Variants in YME1L1 observed in about 807,000 individuals in gnomAD.
The protein encoded by YME1L1 is YME1 like 1 ATPase.
Under a neutral mutation model 90.4 loss-of-function variants are expected in YME1L1, and 39 were observed. That is an observed-to-expected ratio of 0.43 (90% confidence interval 0.33 to 0.56). The LOEUF (loss-of-function observed/expected upper bound fraction) is 0.56, where lower values mean the gene tolerates loss of function less well. Ranked by LOEUF, YME1L1 falls within the 20% of genes least tolerant of loss-of-function variation. YME1L1 has a pLI of 0.03. For synonymous variants in YME1L1, 284 were observed against 287.3 expected, an observed-to-expected ratio of 0.99 and a Z score of 0.12; for missense variants, 617 against 868.4, an observed-to-expected ratio of 0.71 and a Z score of 3.64.
chr10:27,140,796 A>G (rs1274060399), intron 4 of YME1L1, among the ~76,000 whole-genome samples: 3 of 152,070 alleles, frequency 2.0e-5, no homozygotes, highest in Non-Finnish European at 2.9e-5. Context: ...TATTTTTTTA[A>G]GCTGTCTTTT....
In YME1L1 at chr10:27,113,219, C is replaced by CAAAAAAA. The variant is rs869122796; in HGVS notation, c.2008-1106_2008-1100dup. 4.9e-4 allele frequency among the ~76,000 whole-genome samples: 21 copies of CAAAAAAA among 43,104 alleles called. 1 individual carries two copies. Among genetic ancestry groups the CAAAAAAA allele is most frequent in the Non-Finnish European group, 8.3e-4 (19 of 22,826 alleles). 28.3% of individuals were successfully genotyped at this position (43,104 alleles called of 152,430 possible). On this transcript the variant is annotated intron_variant, in intron 18 of 18. Coordinates refer to ENST00000376016, the MANE Select transcript of YME1L1 (RefSeq NM_014263.4). ...TGGGTGACAGGGCAAGATGCTGTCT[C>CAAAAAAA]AAAAAAAAAAAAAAAAAAAAAAAAA...
chr10:27,129,221 GA>G (rs2056953347), intron 8 of YME1L1: 1 of 149,488 alleles, frequency 6.7e-6, no homozygotes, highest in Non-Finnish European at 1.5e-5. Flanking sequence ...GCTCAATTTA[GA>G]AAAGGCATGC....
chr10:27,114,863 C>T (rs34383490), intron 17 of YME1L1, among the ~76,000 whole-genome samples: 12,710 of 151,994 alleles, frequency 0.084, 727 homozygotes, highest in East Asian at 0.28. Flanking sequence ...GCCATTTCTT[C>T]TAAAAACACA....
chr10:27,131,142 C>G (rs2056973622), intron 8 of YME1L1, among the ~76,000 whole-genome samples: 1 of 152,112 alleles, frequency 6.6e-6, no homozygotes, highest in South Asian at 2.1e-4. Context: ...TCAATCACAC[C>G]TTGAACACTC....
At chr10:27,147,682 G>A (rs992463055) in intron 2 of YME1L1, 3 of 1,550,922 alleles carry the variant, frequency 1.9e-6, no homozygotes, top group Non-Finnish European at 2.6e-6. Flanking sequence ...TAGGAAGAGA[G>A]GTTTTGATTC....
chr10:27,114,178 T>C lies in YME1L1; in HGVS notation c.2007+343A>G, dbSNP rs1267100414. ...AAAGTCTGGGATTTTAGTGTATCCATACCTACATAGTGTACACTGTACCTA... is the reference window on the plus strand; with the variant it reads ...AAAGTCTGGGATTTTAGTGTATCCACACCTACATAGTGTACACTGTACCTA... On this transcript the variant is annotated intron_variant, in intron 18 of 18. Coordinates refer to ENST00000376016, the MANE Select transcript of YME1L1 (RefSeq NM_014263.4). 2.6e-5 allele frequency among the ~76,000 whole-genome samples: 4 copies of C among 152,262 alleles called. No individual in the cohort carries two copies. The East Asian group carries it at 5.8e-4, about 22-fold the overall frequency.
chr10:27,134,435 C>T (rs1426686408), intron 6 of YME1L1, among the ~76,000 whole-genome samples: 4 of 152,106 alleles, frequency 2.6e-5, no homozygotes, highest in Non-Finnish European at 4.4e-5. Flanking sequence ...ATTAGCTGGG[C>T]GTGGTGGCAC....
chr10:27,143,527 G>A (rs1394972059), intron 3 of YME1L1, among the ~76,000 whole-genome samples: 1 of 151,342 alleles, frequency 6.6e-6, no homozygotes, highest in African/African-American at 2.4e-5. Flanking sequence ...GTGAAACCTC[G>A]TCTCTACTAA....
chr10:27,130,370 T>A (rs1420458870), intron 8 of YME1L1, among the ~76,000 whole-genome samples: 1 of 152,222 alleles, frequency 6.6e-6, no homozygotes, highest in Non-Finnish European at 1.5e-5. Context: ...CTGGGTGATC[T>A]CATCCAAACA....
In YME1L1 at chr10:27,110,757, T is replaced by G. The variant is rs1339907274; in HGVS notation, c.*1220A>C. ...CATTATTCAGAATGAGGTTATGTAT[T>G]TATTTAACAAAATACTGCTTCTCTG... On this transcript the variant is annotated 3_prime_UTR_variant, in exon 19 of 19. Transcript: ENST00000376016. The G allele has an allele frequency of 6.6e-6, 1 of 152,234 alleles. No homozygotes were observed. The highest frequency in any genetic ancestry group is 2.4e-5 in the African/African-American group (1 of 41,458). 9.4% of individuals were successfully genotyped at this position (152,234 alleles called of 1,614,324 possible).
intron 1 of YME1L1, among the ~76,000 whole-genome samples, chr10:27,153,617 A>G (rs565031014): frequency 1.3e-5 from 2 of 152,362 alleles, no homozygotes; most frequent in African/African-American, 4.8e-5. Flanking sequence ...CTGAATCAAA[A>G]TTTTAACTGC....
At position 27,111,496 on chromosome 10, in the gene YME1L1, A is replaced by G. The variant is rs2056758520; in HGVS notation, c.*481T>C. ...GATGTGAGCCATGGCACCATGCCAA[A>G]AGGCTATATTCCTGGCTCTGTGTTT... On this transcript the variant is annotated 3_prime_UTR_variant, in exon 19 of 19. Coordinates refer to ENST00000376016, the MANE Select transcript of YME1L1 (RefSeq NM_014263.4). 1.0e-5 allele frequency: 2 copies of G among 197,724 alleles called. No individual in the cohort carries two copies. The highest frequency in any genetic ancestry group is 1.6e-4 in the South Asian group (2 of 12,426). The allele number at this position is 197,724 out of a possible 1,614,324, so 12.2% of individuals were successfully genotyped here.
In YME1L1 at chr10:27,154,316, C is replaced by T. The variant is rs1310623040; in HGVS notation, c.-106G>A. 1.4e-6 allele frequency: 2 copies of T among 1,383,624 alleles called. No individual in the cohort carries two copies. The highest frequency in any genetic ancestry group is 2.0e-6 in the Non-Finnish European group (2 of 1,012,956). The allele number at this position is 1,383,624 out of a possible 1,614,324, so 85.7% of individuals were successfully genotyped here. A position where few individuals can be genotyped will look rare whatever the true frequency, so the allele number is the denominator to read the frequency against. On this transcript the variant is annotated 5_prime_UTR_variant, in exon 1 of 19. Transcript: ENST00000376016. ...CCTTCTTTTTTCCTTTTTCTCCGAC[C>T]CGTTGCCCCTCACTCCTCCCAGAAA...
intron 1 of YME1L1, among the ~76,000 whole-genome samples, chr10:27,149,782 AAT>A: frequency 6.6e-6 from 1 of 150,504 alleles, no homozygotes; most frequent in Non-Finnish European, 1.5e-5. Flanking sequence ...AAAAAAAAAA[AAT>A]AGTAAGTAGG....
chr10:27,135,283 CT>C (rs2057016248), intron 5 of YME1L1, among the ~76,000 whole-genome samples: 1 of 152,118 alleles, frequency 6.6e-6, no homozygotes, highest in African/African-American at 2.4e-5. Flanking sequence ...ATCCCTCTAT[CT>C]TTGCTAGAGG....
intron 1 of YME1L1, among the ~76,000 whole-genome samples, chr10:27,153,901 T>C (rs578140709): frequency 6.6e-6 from 1 of 152,232 alleles, no homozygotes; most frequent in South Asian, 2.1e-4. Flanking sequence ...ACGGATTCTC[T>C]AGCAGAAATT....
intron 4 of YME1L1, among the ~76,000 whole-genome samples, chr10:27,140,690 G>A (rs1275978968): frequency 6.6e-6 from 1 of 151,992 alleles, no homozygotes; most frequent in Non-Finnish European, 1.5e-5. Context: ...TGTTGGCCAG[G>A]CTGGTCTTGA....
At chr10:27,128,528 G>A (rs1470371168) in intron 8 of YME1L1, among the ~76,000 whole-genome samples, 2 of 151,924 alleles carry the variant, frequency 1.3e-5, no homozygotes, top group African/African-American at 2.4e-5. Flanking sequence ...CTGAGCTCAG[G>A]AGTTTGAGAC....
At chr10:27,142,260 TTC>T (rs1464361345) in intron 4 of YME1L1, 125 bp downstream of exon 4, 11 of 543,304 alleles carry the variant, frequency 2.0e-5, no homozygotes, top group Non-Finnish European at 3.0e-5. Context: ...AACTCATTAA[TTC>T]CAAATACTCT....
Sources: gnomAD v4.1 joint callset for allele counts (sites outside exome capture counted in the v4.1 genomes callset) on GRCh38, gnomAD v4.1.1 for gene constraint, MANE v1.5 for transcripts, NCBI Gene and HGNC (gene_info 2026-07-23, HGNC 2026-07-21) for gene names.